The following GLIS3 variants were observed in gnomAD, a reference collection of about 807,000 sequenced individuals.
GLIS3 encodes zinc finger protein GLIS3.
A neutral mutation model predicts 78.6 loss-of-function variants in GLIS3; 53 were observed. The observed-to-expected ratio is 0.67, with a 90% CI of 0.54 to 0.85. The LOEUF is 0.85. GLIS3 is among the 40% of genes least tolerant of loss of function. The pLI is 0.00. For missense variants in GLIS3, 1,703 were observed against 1,231.1 expected, an observed-to-expected ratio of 1.38 and a Z score of -5.74; for synonymous variants, 684 against 509.9, an observed-to-expected ratio of 1.34 and a Z score of -4.60.
chr9:4,380,095 C>T, the GLIS3 span, among the ~76,000 whole-genome samples: 14 of 152,168 alleles, frequency 9.2e-5, no homozygotes, highest in South Asian at 4.1e-4. Context: ...CTCTATTCCA[C>T]CGGAGCATTG....
chr9:4,443,309 T>C, the GLIS3 span, among the ~76,000 whole-genome samples: 2 of 152,228 alleles, frequency 1.3e-5, no homozygotes, highest in African/African-American at 2.4e-5. Flanking sequence ...TCTTTAATTT[T>C]TTCTGTCCAT....
chr9:4,365,488 G>C, the GLIS3 span, among the ~76,000 whole-genome samples: 1 of 151,940 alleles, frequency 6.6e-6, no homozygotes, highest in East Asian at 1.9e-4. Context: ...CCTGGGAGGT[G>C]GAGGTTGCAG....
intron 2 of GLIS3, among the ~76,000 whole-genome samples, chr9:4,143,516 G>A (rs565135744): frequency 1.3e-5 from 2 of 151,748 alleles, no homozygotes; most frequent in African/African-American, 4.8e-5. Context: ...GCAGTGAGCC[G>A]AGATTGCACC....
chr9:4,251,412 G>C (rs550618530), intron 2 of GLIS3, among the ~76,000 whole-genome samples: 7 of 146,018 alleles, frequency 4.8e-5, no homozygotes, highest in African/African-American at 1.8e-4. Context: ...TGTTTTATTA[G>C]AGACTAGGAT....
In GLIS3 at chr9:3,827,340, A is replaced by G. The variant is rs974696955; in HGVS notation, c.*932T>C. 1.1e-4 allele frequency: 16 copies of G among 152,248 alleles called. No individual in the cohort carries two copies. Among genetic ancestry groups the G allele is most frequent in the African/African-American group, 3.9e-4 (16 of 41,462 alleles). 9.4% of individuals were successfully genotyped at this position (152,248 alleles called of 1,614,324 possible). The stretch of plus-strand genomic sequence containing the variant: ...GGCACTTCTCTGGGTGCAGCACCAG[A>G]GTGGAGGCAATGGGTAAACCAGTCA... On this transcript the variant is annotated 3_prime_UTR_variant, in exon 11 of 11. Transcript: ENST00000381971.
chr9:4,322,630 G>C (rs568838950), intron 2 of GLIS3, among the ~76,000 whole-genome samples: 53 of 152,264 alleles, frequency 3.5e-4, no homozygotes, highest in South Asian at 1.9e-3. Flanking sequence ...GTGTCTCACT[G>C]TGTTTTTGAT....
At chr9:4,415,894 T>C in the GLIS3 span, among the ~76,000 whole-genome samples, 1 of 151,928 alleles carries the variant, frequency 6.6e-6, no homozygotes, top group South Asian at 2.1e-4. Flanking sequence ...AATTTCCCTT[T>C]GCCTTTACTC....
At chr9:4,459,446 G>T in the GLIS3 span, among the ~76,000 whole-genome samples, 2 of 152,170 alleles carry the variant, frequency 1.3e-5, no homozygotes, top group Non-Finnish European at 2.9e-5. Context: ...AACGAGAGTG[G>T]TATCCCAGAA....
At chr9:4,150,183 C>T (rs1292893929) in intron 2 of GLIS3, among the ~76,000 whole-genome samples, 1 of 152,112 alleles carries the variant, frequency 6.6e-6, no homozygotes, top group African/African-American at 2.4e-5. Context: ...TACTAGAAAC[C>T]AACCTACCTT....
At chr9:4,324,121 T>C (rs1341899316) in intron 2 of GLIS3, among the ~76,000 whole-genome samples, 1 of 152,224 alleles carries the variant, frequency 6.6e-6, no homozygotes, top group Non-Finnish European at 1.5e-5. Flanking sequence ...CCTGCACACA[T>C]AACTCATATT....
chr9:4,030,888 A>G (rs1823779209), intron 4 of GLIS3, among the ~76,000 whole-genome samples: 1 of 152,230 alleles, frequency 6.6e-6, no homozygotes, highest in African/African-American at 2.4e-5. Context: ...GACATTATCA[A>G]AAGCTGCTCA....
chr9:3,993,841 T>G (rs1258351823), intron 4 of GLIS3, among the ~76,000 whole-genome samples: 7 of 152,228 alleles, frequency 4.6e-5, no homozygotes, highest in Admixed American at 3.3e-4. Context: ...AATTGTCATT[T>G]TTTTTCTGTT....
chr9:4,378,841 C>T, the GLIS3 span, among the ~76,000 whole-genome samples: 2 of 152,052 alleles, frequency 1.3e-5, no homozygotes, highest in African/African-American at 4.8e-5. Flanking sequence ...ATGTGTGCTC[C>T]AAGTTAGGGA....
At chr9:4,002,159 T>G (rs1159746936) in intron 4 of GLIS3, among the ~76,000 whole-genome samples, 2 of 151,934 alleles carry the variant, frequency 1.3e-5, no homozygotes, top group Admixed American at 6.6e-5. Flanking sequence ...GATCATTGAG[T>G]AGTAGGAGAT....
At chr9:4,062,674 T>A (rs1475279030) in intron 4 of GLIS3, among the ~76,000 whole-genome samples, 1 of 152,230 alleles carries the variant, frequency 6.6e-6, no homozygotes, top group African/African-American at 2.4e-5. Context: ...ACGCCTGTAA[T>A]CCCAGCACTT....
At chr9:3,859,400 C>CT (rs1820021405) in intron 8 of GLIS3, among the ~76,000 whole-genome samples, 1 of 149,312 alleles carries the variant, frequency 6.7e-6, no homozygotes. Flanking sequence ...CACACACACA[C>CT]ATCAAAATGA....
chr9:4,267,757 A>G (rs142611566), intron 2 of GLIS3, among the ~76,000 whole-genome samples: 1 of 152,322 alleles, frequency 6.6e-6, no homozygotes, highest in African/African-American at 2.4e-5. Flanking sequence ...CTCATTTTAC[A>G]AAGAGTACAG....
intron 4 of GLIS3, among the ~76,000 whole-genome samples, chr9:4,077,224 T>C (rs534853541): frequency 6.6e-6 from 1 of 152,344 alleles, no homozygotes; most frequent in Admixed American, 6.5e-5. Context: ...TATAGCTTAA[T>C]TTCTAGGCAG....
the GLIS3 span, among the ~76,000 whole-genome samples, chr9:4,456,244 A>G: frequency 5.9e-5 from 9 of 152,374 alleles, no homozygotes; most frequent in South Asian, 1.9e-3. Flanking sequence ...AGCCCTCAGA[A>G]AGTTGTAAAT....
Sources: gnomAD v4.1 joint callset for allele counts (sites outside exome capture counted in the v4.1 genomes callset) on GRCh38, gnomAD v4.1.1 for gene constraint, MANE v1.5 for transcripts, NCBI Gene and HGNC (gene_info 2026-07-23, HGNC 2026-07-21) for gene names.